GLYATL2: variants seen among roughly 807,000 people sequenced by gnomAD.
The protein encoded by GLYATL2 is glycine N-acyltransferase-like protein 2.
Under a neutral mutation model 21.4 loss-of-function variants are expected in GLYATL2, and 25 were observed. The ratio of observed to expected loss-of-function variants is 1.17; its 90% confidence interval spans 0.85 to 1.63. GLYATL2 has a LOEUF of 1.63. Ranked by LOEUF, GLYATL2 falls within the 40% of genes most tolerant of loss-of-function variation. The pLI, the probability that GLYATL2 is intolerant of heterozygous loss-of-function variation, is 0.00. For missense variants in GLYATL2, 361 were observed against 343.3 expected, an observed-to-expected ratio of 1.05 and a Z score of -0.41; for synonymous variants, 114 against 118.2, an observed-to-expected ratio of 0.96 and a Z score of 0.23.
At chr11:58,902,307 A>T (rs1447842524) in intron 1 of GLYATL2, among the ~76,000 whole-genome samples, 1 of 152,108 alleles carries the variant, frequency 6.6e-6, no homozygotes. Context: ...TGTCTGACAC[A>T]TCCCCAGAAG....
chr11:58,881,629 G>C (rs1439794709), intron 1 of GLYATL2, among the ~76,000 whole-genome samples: 1 of 152,066 alleles, frequency 6.6e-6, no homozygotes, highest in Non-Finnish European at 1.5e-5. Context: ...GGGAACATGT[G>C]CACAATGTGC....
At chr11:58,890,023 G>A (rs1854513064) in intron 1 of GLYATL2, among the ~76,000 whole-genome samples, 1 of 152,090 alleles carries the variant, frequency 6.6e-6, no homozygotes, top group African/African-American at 2.4e-5. Flanking sequence ...ACGTTGATGA[G>A]TCTTGGAGTA....
chr11:58,842,597 C>T (rs1000321676), intron 1 of GLYATL2, among the ~76,000 whole-genome samples: 3 of 151,548 alleles, frequency 2.0e-5, no homozygotes, highest in Non-Finnish European at 2.9e-5. Flanking sequence ...AGGCTTCAGT[C>T]ACTTGCTCCC....
chr11:58,901,108 G>A (rs983202335), intron 1 of GLYATL2, among the ~76,000 whole-genome samples: 10 of 152,196 alleles, frequency 6.6e-5, no homozygotes, highest in Non-Finnish European at 1.3e-4. Context: ...CTAAAAGGGG[G>A]CTGCCTGCGC....
chr11:58,850,055 T>A (rs577716900), intron 1 of GLYATL2, among the ~76,000 whole-genome samples: 1 of 152,218 alleles, frequency 6.6e-6, no homozygotes, highest in African/African-American at 2.4e-5. Flanking sequence ...CGAAGACACA[T>A]CAAAACACAG....
At chr11:58,859,774 C>A (rs551517384) in intron 1 of GLYATL2, among the ~76,000 whole-genome samples, 3 of 152,084 alleles carry the variant, frequency 2.0e-5, no homozygotes, top group African/African-American at 4.8e-5. Context: ...GTCCTTAAAC[C>A]ATTTTTGGTT....
upstream of GLYATL2, among the ~76,000 whole-genome samples, chr11:58,847,468 G>A (rs1164750817): frequency 6.6e-6 from 1 of 152,172 alleles, no homozygotes; most frequent in Non-Finnish European, 1.5e-5. Flanking sequence ...GAAGCCCACT[G>A]CCCGGAAAGG....
chr11:58,894,931 A>G (rs2134625123), intron 1 of GLYATL2, among the ~76,000 whole-genome samples: 1 of 147,158 alleles, frequency 6.8e-6, no homozygotes, highest in Non-Finnish European at 1.5e-5. Context: ...GAAAACAGCT[A>G]TATTTTTCAC....
At chr11:58,846,594 C>T (rs116076058), upstream of GLYATL2, among the ~76,000 whole-genome samples, 2,520 of 150,786 alleles carry the variant, frequency 0.017, 101 homozygotes, top group African/African-American at 0.059. Context: ...GAAAACTAGA[C>T]CAAACTCAGC....
Position 58,898,480 on chromosome 11 carries a change from C to A in GLYATL2, n.60+5676G>T, listed in dbSNP as rs112111524. On this transcript the variant is annotated intron_variant and non_coding_transcript_variant, in intron 1 of 4. Transcript: ENST00000533636. ...ATTGTTTTTAACTCACTATTGTTTC[C>A]TCTTTTTTTTTTTTTTATCTGCTCT... Among the ~76,000 whole-genome samples, 213 of 71,332 alleles carry A rather than the reference C, an allele frequency of 3.0e-3. 1 individual carries two copies. The highest frequency in any genetic ancestry group is 0.011 in the Middle Eastern group (1 of 94). The allele number at this position is 71,332 out of a possible 152,430, so 46.8% of individuals were successfully genotyped here.
At chr11:58,852,653 G>A (rs1182290899) in intron 1 of GLYATL2, among the ~76,000 whole-genome samples, 1 of 152,200 alleles carries the variant, frequency 6.6e-6, no homozygotes, top group African/African-American at 2.4e-5. Flanking sequence ...CCTTTGCCAA[G>A]AGCTCTCAAG....
At position 58,892,762 on chromosome 11, in the gene GLYATL2, C is replaced by T. The variant is rs1854567080; in HGVS notation, n.60+11394G>A. On this transcript the variant is annotated intron_variant and non_coding_transcript_variant, in intron 1 of 4. Coordinates refer to the GLYATL2 transcript ENST00000533636. ...CATTCCTCTGTATTATGGAAGATAT[C>T]CTGAAGCTCAATGCCTGCAATAAAA... 8.7e-6 allele frequency: 3 copies of T among 342,978 alleles called. No homozygotes were observed. The South Asian group carries it at 2.2e-4, about 25-fold the overall frequency. The allele number at this position is 342,978 out of a possible 1,614,324, so 21.2% of individuals were successfully genotyped here. A position where few individuals can be genotyped will look rare whatever the true frequency, so the allele number is the denominator to read the frequency against.
upstream of GLYATL2, chr11:58,905,739 A>AAGGGG: frequency 4.2e-4 from 1 of 2,390 alleles, no homozygotes; most frequent in Non-Finnish European, 7.5e-4. Context: ...CTGGACAAAT[A>AAGGGG]GGGAGGGTGG....
upstream of GLYATL2, chr11:58,907,310 G>A (rs528580647): frequency 2.2e-6 from 1 of 456,242 alleles, no homozygotes; most frequent in Non-Finnish European, 4.4e-6. Flanking sequence ...TCTGAAATCT[G>A]GACTTCCAAT....
At chr11:58,855,961 T>C (rs553724202) in intron 1 of GLYATL2, among the ~76,000 whole-genome samples, 1 of 151,984 alleles carries the variant, frequency 6.6e-6, no homozygotes, top group African/African-American at 2.4e-5. Context: ...CCATCTCTAC[T>C]AAAAATAAAA....
At chr11:58,856,477 T>C (rs600215) in intron 1 of GLYATL2, among the ~76,000 whole-genome samples, 135,084 of 152,262 alleles carry the variant, frequency 0.89, 61,085 homozygotes, top group Non-Finnish European at 0.98. Context: ...ACCTAGCTTT[T>C]GGACTGTCTT....
chr11:58,889,198 T>C (rs888578347), intron 1 of GLYATL2, among the ~76,000 whole-genome samples: 38 of 152,028 alleles, frequency 2.5e-4, no homozygotes, highest in African/African-American at 9.2e-4. Flanking sequence ...TTGTTATTGC[T>C]TTTTATTTAT....
At position 58,889,265 on chromosome 11, in the gene GLYATL2, T is replaced by G. The variant is rs189969068; in HGVS notation, n.60+14891A>C. ...TTTAAAACCTGTTTTTTTGTGTGTG[T>G]GGGGGTGTTATTTGTTTTTGTGTTT... is the stretch of plus-strand genomic sequence containing the variant. On this transcript the variant is annotated intron_variant and non_coding_transcript_variant, in intron 1 of 4. Coordinates refer to the GLYATL2 transcript ENST00000533636. Among the ~76,000 whole-genome samples, 1,257 of 152,038 alleles carry G rather than the reference T, an allele frequency of 8.3e-3. 10 individuals are homozygous for G. Among genetic ancestry groups the G allele is most frequent in the African/African-American group, 0.019 (778 of 41,546 alleles).
chr11:58,862,343 T>C (rs1853947187), intron 1 of GLYATL2, among the ~76,000 whole-genome samples: 1 of 152,214 alleles, frequency 6.6e-6, no homozygotes, highest in Non-Finnish European at 1.5e-5. Context: ...TGTATATTTC[T>C]CTTTCCCCAG....
Sources: allele counts gnomAD v4.1 joint callset (sites outside exome capture counted in the v4.1 genomes callset), GRCh38; gene constraint gnomAD v4.1.1; transcripts MANE v1.5; gene names NCBI Gene and HGNC (gene_info 2026-07-23, HGNC 2026-07-21).